HSD17B12: variants seen among roughly 807,000 people sequenced by gnomAD.
HSD17B12 encodes very-long-chain 3-oxoacyl-CoA reductase.
HSD17B12 carries 32 observed loss-of-function variants against 39.3 expected under a neutral mutation model. That is an observed-to-expected ratio of 0.81 (90% CI 0.61 to 1.09). The LOEUF (loss-of-function observed/expected upper bound fraction) is 1.09, where lower values mean the gene tolerates loss of function less well. Ranked by LOEUF, HSD17B12 falls within the 50% of genes least tolerant of loss-of-function variation. HSD17B12 has a pLI of 0.00. For synonymous variants in HSD17B12, 150 were observed against 146.7 expected (o/e 1.02, Z -0.16); for missense variants, 342 against 382.9 (o/e 0.89, Z 0.89).
the HSD17B12 span, among the ~76,000 whole-genome samples, chr11:43,662,377 T>TG: frequency 1.6e-5 from 2 of 128,480 alleles, no homozygotes; most frequent in Admixed American, 1.6e-4. Context: ...TTTATTTTAT[T>TG]TGTGTGTGTG....
chr11:43,801,381 G>A (rs1043302646), intron 4 of HSD17B12, among the ~76,000 whole-genome samples: 1 of 152,028 alleles, frequency 6.6e-6, no homozygotes, highest in Non-Finnish European at 1.5e-5. Context: ...AGTAGACGAA[G>A]CAAGACTTTG....
intron 3 of HSD17B12, among the ~76,000 whole-genome samples, chr11:43,789,516 T>C (rs988101334): frequency 3.3e-5 from 5 of 152,166 alleles, no homozygotes; most frequent in Admixed American, 3.3e-4. Flanking sequence ...CCTGAATAAA[T>C]GAATGAGCAC....
At chr11:43,798,216 TG>T in intron 3 of HSD17B12, 103 bp from the exon 4 acceptor site, 1 of 671,044 alleles carries the variant, frequency 1.5e-6, no homozygotes, top group Non-Finnish European at 2.6e-6. Context: ...TCAAATTGGG[TG>T]GGGAGAAACG....
chr11:43,769,109 T>A (rs1360286531), intron 3 of HSD17B12, among the ~76,000 whole-genome samples: 2 of 152,096 alleles, frequency 1.3e-5, no homozygotes, highest in Non-Finnish European at 2.9e-5. Flanking sequence ...CTGGCTGATT[T>A]TTGTATTTTT....
chr11:43,577,759 G>A, the HSD17B12 span, among the ~76,000 whole-genome samples: 1 of 152,342 alleles, frequency 6.6e-6, no homozygotes, highest in African/African-American at 2.4e-5. Flanking sequence ...CCAAAGCACA[G>A]GAGTTGCTGG....
the HSD17B12 span, among the ~76,000 whole-genome samples, chr11:43,658,666 C>G: frequency 6.6e-6 from 1 of 152,176 alleles, no homozygotes; most frequent in African/African-American, 2.4e-5. Flanking sequence ...CACCCCAGAC[C>G]CTGTTTTCCT....
chr11:43,618,579 G>A, the HSD17B12 span, among the ~76,000 whole-genome samples: 4 of 152,206 alleles, frequency 2.6e-5, no homozygotes, highest in African/African-American at 9.6e-5. Context: ...TGGTAATAAT[G>A]GCCAACTCAA....
At chr11:43,621,721 CA>C in the HSD17B12 span, among the ~76,000 whole-genome samples, 2 of 152,102 alleles carry the variant, frequency 1.3e-5, no homozygotes, top group African/African-American at 4.8e-5. Context: ...AAAACAAAAA[CA>C]AAAACAAATA....
chr11:43,805,135 T>A (rs1156246603), intron 4 of HSD17B12, among the ~76,000 whole-genome samples: 1 of 152,166 alleles, frequency 6.6e-6, no homozygotes, highest in African/African-American at 2.4e-5. Context: ...ATTAAGGAAG[T>A]CACAAATAAA....
chr11:43,575,308 G>A, the HSD17B12 span, among the ~76,000 whole-genome samples: 1 of 152,248 alleles, frequency 6.6e-6, no homozygotes, highest in Non-Finnish European at 1.5e-5. This position sits in a 1 kb window ranked among gnomAD's most constrained non-coding sequence, Gnocchi z 4.1. Context: ...AGAGCAGGAG[G>A]GAGAGAGCGG....
At chr11:43,687,878 T>C (rs1299347187) in intron 1 of HSD17B12, among the ~76,000 whole-genome samples, 1 of 152,200 alleles carries the variant, frequency 6.6e-6, no homozygotes, top group African/African-American at 2.4e-5. Context: ...GATAGATCAG[T>C]CTAGGTATTC....
chr11:43,743,017 C>G (rs1207990225), intron 1 of HSD17B12, among the ~76,000 whole-genome samples: 4 of 152,098 alleles, frequency 2.6e-5, no homozygotes, highest in Non-Finnish European at 5.9e-5. Flanking sequence ...TATAGAATAT[C>G]TAATATCGAA....
At chr11:43,619,687 C>T in the HSD17B12 span, among the ~76,000 whole-genome samples, 11 of 152,192 alleles carry the variant, frequency 7.2e-5, no homozygotes, top group African/African-American at 2.6e-4. Context: ...CCACCATGCC[C>T]AGCCACACTT....
the HSD17B12 span, among the ~76,000 whole-genome samples, chr11:43,640,148 GTGGATTCATAGAAGAAA>G: frequency 6.6e-6 from 1 of 152,074 alleles, no homozygotes; most frequent in Non-Finnish European, 1.5e-5. Context: ...GTGGGGAATG[GTGGATTCATAGAAGAAA>G]TAATTAGAAA....
At chr11:43,752,743 T>G (rs1950476944) in intron 2 of HSD17B12, among the ~76,000 whole-genome samples, 1 of 152,024 alleles carries the variant, frequency 6.6e-6, no homozygotes, top group Non-Finnish European at 1.5e-5. Context: ...TTGTTTCTAA[T>G]GCTATATCTC....
chr11:43,640,722 T>C, the HSD17B12 span, among the ~76,000 whole-genome samples: 2 of 151,972 alleles, frequency 1.3e-5, no homozygotes, highest in Admixed American at 1.3e-4. Flanking sequence ...ACCCCCAAAA[T>C]ATGTCAGTGG....
the HSD17B12 span, among the ~76,000 whole-genome samples, chr11:43,583,048 G>C: frequency 6.6e-6 from 1 of 152,172 alleles, no homozygotes; most frequent in Non-Finnish European, 1.5e-5. Flanking sequence ...GCTTCACCCT[G>C]TGTCCCTTCA....
At chr11:43,790,392 G>C (rs1044699342) in intron 3 of HSD17B12, among the ~76,000 whole-genome samples, 1 of 152,124 alleles carries the variant, frequency 6.6e-6, no homozygotes, top group East Asian at 1.9e-4. Context: ...ATGCTATTAA[G>C]GAAAAAACAA....
chr11:43,708,099 G>T (rs928652812), intron 1 of HSD17B12, among the ~76,000 whole-genome samples: 2 of 152,166 alleles, frequency 1.3e-5, no homozygotes, highest in Non-Finnish European at 2.9e-5. Context: ...AAGCTTCAAC[G>T]TATGAATTTG....
Sources: gnomAD v4.1 joint callset for allele counts (sites outside exome capture counted in the v4.1 genomes callset) on GRCh38, gnomAD v4.1.1 for gene constraint, Gnocchi (gnomAD v3.1) non-coding constraint, MANE v1.5 for transcripts, NCBI Gene and HGNC (gene_info 2026-07-23, HGNC 2026-07-21) for gene names.